UTRN: variants seen among roughly 807,000 people sequenced by gnomAD.
UTRN encodes utrophin.
A neutral mutation model predicts 463.9 loss-of-function variants in UTRN; 283 were observed. The ratio of observed to expected loss-of-function variants is 0.61; its 90% CI spans 0.55 to 0.67. The LOEUF is 0.67. Ranked by LOEUF, UTRN falls within the 30% of genes least tolerant of loss-of-function variation. The probability of loss-of-function intolerance (pLI) is 0.00; values close to 1 mark genes in which losing one functional copy is unlikely to be tolerated. For synonymous variants in UTRN, 1,442 were observed against 1,431.5 expected, an observed-to-expected ratio of 1.01 and a Z score of -0.17; for missense variants, 3,922 against 4,084.3, an observed-to-expected ratio of 0.96 and a Z score of 1.08.
At chr6:144,444,612 T>C (rs1240829996) in intron 14 of UTRN, among the ~76,000 whole-genome samples, 1 of 152,194 alleles carries the variant, frequency 6.6e-6, no homozygotes, top group Non-Finnish European at 1.5e-5. Flanking sequence ...ACTTGGAATG[T>C]TAGTACTTAG....
At chr6:144,534,443 C>T (rs890582824) in intron 43 of UTRN, among the ~76,000 whole-genome samples, 2 of 152,188 alleles carry the variant, frequency 1.3e-5, no homozygotes, top group African/African-American at 4.8e-5. Flanking sequence ...GAGCACAGAA[C>T]TCTCTGGCCA....
chr6:144,353,420 A>T (rs1177711739), intron 2 of UTRN, among the ~76,000 whole-genome samples: 3 of 138,860 alleles, frequency 2.2e-5, no homozygotes, highest in Non-Finnish European at 3.1e-5. Context: ...GGCCCTTCTG[A>T]TTTTTTTTTT....
chr6:144,835,904 G>T lies in UTRN; in HGVS notation c.9790G>T (p.Glu3264Ter), dbSNP rs768832466. ...SVEREERGEL[E>*]RIIADLEEEQ... is the part of the protein sequence containing the mutation. ...AGAGAGGGAAGAACGTGGAGAACTG[G>T]AGAGGATCATTGCTGACCTGGAGGA... The change falls in exon 70 of 75, where the codon GAG (glutamate) becomes TAG (stop). Residue 3264 changes from glutamate to a stop codon, truncating the protein, a stop_gained. Coordinates refer to ENST00000367545, the MANE Select transcript of UTRN (RefSeq NM_007124.3). LOFTEE classifies it high-confidence loss of function. 1 of 1,614,006 alleles carries T rather than the reference G, an allele frequency of 6.2e-7. No homozygotes were observed.
intron 60 of UTRN, 94 bp downstream of exon 60, chr6:144,774,458 C>A: frequency 1.8e-6 from 2 of 1,122,922 alleles, no homozygotes; most frequent in Non-Finnish European, 2.5e-6. Flanking sequence ...GGAGTGTTTG[C>A]CAAGTTAATC....
rs550694262 is a variant in UTRN at position 144,513,811 on chromosome 6, G to A, written c.4945-98G>A. ...GTGAAAGCTCTCCTTTAAATTCATG[G>A]TACAGTTTGCTCTTTGAAGGTCTTT... On this transcript the variant is annotated intron_variant, in intron 35 of 74. Coordinates refer to ENST00000367545, the MANE Select transcript of UTRN (RefSeq NM_007124.3). 134 of 1,354,238 alleles carry A rather than the reference G, an allele frequency of 9.9e-5. 2 individuals are homozygous for A. The South Asian group carries it at 1.5e-3, about 15-fold the overall frequency. The allele number at this position is 1,354,238 out of a possible 1,614,324, so 83.9% of individuals were successfully genotyped here.
intron 54 of UTRN, among the ~76,000 whole-genome samples, chr6:144,736,974 T>C (rs1039090352): frequency 2.6e-5 from 4 of 152,184 alleles, no homozygotes; most frequent in Non-Finnish European, 5.9e-5. Context: ...CTGCTGGGGC[T>C]TTGTGTCTTC....
At chr6:144,732,220 A>ATG (rs1788624436) in intron 54 of UTRN, among the ~76,000 whole-genome samples, 1 of 41,396 alleles carries the variant, frequency 2.4e-5, no homozygotes, top group African/African-American at 1.2e-4. Flanking sequence ...TGTTTTATAT[A>ATG]TATATATATA....
At chr6:144,500,291 T>A (rs1794053407) in intron 34 of UTRN, among the ~76,000 whole-genome samples, 1 of 152,228 alleles carries the variant, frequency 6.6e-6, no homozygotes, top group Non-Finnish European at 1.5e-5. Context: ...TTTTTTGACT[T>A]TTTAATAATA....
Position 144,514,778 on chromosome 6 carries a change from T to C in UTRN, c.5202T>C (p.Asn1734=). 2 of 1,614,118 alleles carry C rather than the reference T, an allele frequency of 1.2e-6. No individual in the cohort carries two copies. Among genetic ancestry groups the C allele is most frequent in the South Asian group, 2.2e-5 (2 of 91,070 alleles). The change falls in exon 37 of 75, where the codon AAT becomes AAC. Residue 1734 remains asparagine, a synonymous_variant. Transcript: ENST00000367545. The stretch of plus-strand genomic sequence containing the variant: ...TAGAACCAAAGTTAGCTGAGCTGAA[T>C]AGGAACTTTGAAAAGGTGTCTCAAC... ...ELVEPKLAEL[N]RNFEKVSQHI...
chr6:144,339,409 G>A (rs1218460431), intron 2 of UTRN, among the ~76,000 whole-genome samples: 3 of 152,156 alleles, frequency 2.0e-5, no homozygotes, highest in Non-Finnish European at 2.9e-5. Flanking sequence ...GGGGGCAATT[G>A]CAGAAATTTG....
chr6:144,586,108 A>T (rs1802438899), intron 51 of UTRN, among the ~76,000 whole-genome samples: 2 of 151,818 alleles, frequency 1.3e-5, no homozygotes, highest in South Asian at 2.1e-4. Context: ...GCTTATTTTC[A>T]TACTTCTCTT....
chr6:144,428,460 C>T (rs1177741561), intron 7 of UTRN, among the ~76,000 whole-genome samples: 16 of 138,650 alleles, frequency 1.2e-4, no homozygotes, highest in Non-Finnish European at 2.2e-4. Flanking sequence ...CTTTTTGTAT[C>T]GGTAGGTTTC....
intron 2 of UTRN, among the ~76,000 whole-genome samples, chr6:144,386,351 G>A (rs1164681584): frequency 6.6e-6 from 1 of 152,018 alleles, no homozygotes; most frequent in East Asian, 1.9e-4. Context: ...CCAGGTACCT[G>A]GGAGGCAGAG....
chr6:144,755,453 C>T (rs1791883578), intron 57 of UTRN, among the ~76,000 whole-genome samples: 2 of 152,148 alleles, frequency 1.3e-5, no homozygotes, highest in South Asian at 4.1e-4. Context: ...GATTTATAGT[C>T]AACCAGATTG....
intron 64 of UTRN, among the ~76,000 whole-genome samples, chr6:144,800,174 A>G (rs1777584461): frequency 6.6e-6 from 1 of 152,190 alleles, no homozygotes; most frequent in Non-Finnish European, 1.5e-5. Context: ...GAAGGAGAGG[A>G]TAAAATACTC....
At chr6:144,850,847 G>A in intron 74 of UTRN, 142 bp from the exon 75 acceptor site, 1 of 1,046,560 alleles carries the variant, frequency 9.6e-7, no homozygotes, top group Non-Finnish European at 1.5e-6. Context: ...GAGAGGGAGG[G>A]ACCTCATTGC....
chr6:144,540,541 G>A (rs1390767757), intron 45 of UTRN, among the ~76,000 whole-genome samples: 1 of 152,156 alleles, frequency 6.6e-6, no homozygotes, highest in Non-Finnish European at 1.5e-5. Flanking sequence ...ACTTGTGTAT[G>A]CAACTACCTG....
chr6:144,618,573 T>C (rs1775009745), intron 51 of UTRN, among the ~76,000 whole-genome samples: 1 of 152,094 alleles, frequency 6.6e-6, no homozygotes, highest in Admixed American at 6.6e-5. Context: ...CTTCAAAGAA[T>C]CTTAGTAGTC....
chr6:144,732,249 T>TACACATAC (rs1412261127), intron 54 of UTRN, among the ~76,000 whole-genome samples: 1 of 116,858 alleles, frequency 8.6e-6, no homozygotes, highest in South Asian at 2.7e-4. Flanking sequence ...CATATATATA[T>TACACATAC]ATATATATAC....
Sources: allele counts gnomAD v4.1 joint callset (sites outside exome capture counted in the v4.1 genomes callset), GRCh38; gene constraint gnomAD v4.1.1; transcripts MANE v1.5; gene names NCBI Gene and HGNC (gene_info 2026-07-23, HGNC 2026-07-21).